Variants in ARAP2 observed in about 807,000 individuals in gnomAD.
The protein encoded by ARAP2 is arf-GAP with Rho-GAP domain, ANK repeat and PH domain-containing protein 2.
ARAP2 carries 148 observed loss-of-function variants against 194.5 expected under a neutral mutation model. The ratio of observed to expected loss-of-function variants is 0.76; its 90% CI spans 0.67 to 0.87. The LOEUF is 0.87. ARAP2 is among the 40% of genes least tolerant of loss of function. ARAP2 has a pLI of 0.00. For synonymous variants in ARAP2, 695 were observed against 683.5 expected (o/e 1.02, Z -0.26); for missense variants, 2,128 against 1,989.7 (o/e 1.07, Z -1.32).
At chr4:36,196,572 T>C (rs1277120698) in intron 6 of ARAP2, among the ~76,000 whole-genome samples, 2 of 152,156 alleles carry the variant, frequency 1.3e-5, no homozygotes, top group South Asian at 4.1e-4. Context: ...GATTATTAAA[T>C]CTCTTTAACA....
At position 36,161,520 on chromosome 4, in the gene ARAP2, G is replaced by A. The variant is rs189257544; in HGVS notation, c.2204C>T (p.Ser735Phe). ...GQHRSLGPKD[S>F]KVRSLKMDAS... ...ATCCATTTTTAGACTTCTAACCTTG[G>A]AATCTTTTGGTCCTAAAGATCTATG... The change falls in exon 12 of 33, where the codon TCC (serine) becomes TTC (phenylalanine). Residue 735 changes from serine to phenylalanine, a missense_variant. Transcript: ENST00000303965. 46 of 1,613,924 alleles carry A rather than the reference G, an allele frequency of 2.9e-5. No homozygotes were observed. In the East Asian group the frequency reaches 1.0e-3, roughly 35 times the overall value.
chr4:36,118,850 C>T (rs949116430), intron 24 of ARAP2, among the ~76,000 whole-genome samples: 1 of 151,428 alleles, frequency 6.6e-6, no homozygotes, highest in African/African-American at 2.4e-5. Flanking sequence ...AGGCCTTCCT[C>T]TATTTTCTTT....
chr4:36,083,599 TGGATTTACAATGAAGACTCTTA>T (rs1426816092), intron 28 of ARAP2, 149 bp from the exon 29 acceptor site: 24 of 604,280 alleles, frequency 4.0e-5, no homozygotes, highest in Non-Finnish European at 6.2e-5. Context: ...GAAGACTCTT[TGGATTTACAATGAAGACTCTTA>T]GGATTTACAA....
chr4:36,188,645 C>T (rs1002505867), intron 7 of ARAP2, among the ~76,000 whole-genome samples: 17 of 152,250 alleles, frequency 1.1e-4, no homozygotes, highest in Non-Finnish European at 2.5e-4. Flanking sequence ...TATAGAAGGT[C>T]TGCAATATTA....
At chr4:36,045,728 T>C (rs1462201274) in intron 5 of ARAP2, among the ~76,000 whole-genome samples, 1 of 152,198 alleles carries the variant, frequency 6.6e-6, no homozygotes, top group East Asian at 1.9e-4. Context: ...TGTATAAATA[T>C]GTGAGGTGAT....
intron 5 of ARAP2, among the ~76,000 whole-genome samples, chr4:36,043,794 A>AGAAGGGAAGG (rs1229545018): frequency 0.029 from 773 of 26,900 alleles, 112 homozygotes; most frequent in South Asian, 0.032. Flanking sequence ...AGAAGAGAAG[A>AGAAGGGAAGG]GAAGGGAAGG....
intron 31 of ARAP2, among the ~76,000 whole-genome samples, chr4:36,077,087 T>C (rs1728417367): frequency 6.6e-6 from 1 of 152,082 alleles, no homozygotes; most frequent in African/African-American, 2.4e-5. Context: ...ATCTAGGAGC[T>C]TGCAGGGGTG....
At position 36,189,591 on chromosome 4, in the gene ARAP2, C is replaced by G. The variant is rs1416310585; in HGVS notation, c.1558-2020G>C. Among the ~76,000 whole-genome samples, 4 of 152,140 alleles carry G rather than the reference C, an allele frequency of 2.6e-5. No homozygotes were observed. In the East Asian group the frequency reaches 7.7e-4, roughly 29 times the overall value. ...CCTACCCTTCACAGCCTCTACTATC[C>G]TCTGTACTACTTTTTACTTTGGTAA... is the stretch of plus-strand genomic sequence containing the variant. On this transcript the variant is annotated intron_variant, in intron 7 of 32. Transcript: ENST00000303965.
intron 22 of ARAP2, among the ~76,000 whole-genome samples, chr4:36,122,697 C>A (rs1434057331): frequency 1.3e-5 from 2 of 151,566 alleles, no homozygotes; most frequent in Admixed American, 1.3e-4. Flanking sequence ...GTACAACAAA[C>A]CCCTGTGATA....
In ARAP2 at chr4:36,148,495, G is replaced by T. The variant is rs1192506116; in HGVS notation, c.2910C>A (p.Ile970=). The change falls in exon 17 of 33, where the codon ATC becomes ATA. Residue 970 remains isoleucine (I), a synonymous_variant. Transcript: ENST00000303965. The part of the protein sequence containing the change: ...DFYLNTGPIF[I]FEIYLPSERV... ...GTTCGGAGGGTAAGTAGATCTCAAA[G>T]ATAAAGATGGGCCTAAAACATGCAC... is the stretch of plus-strand genomic sequence containing the variant. The T allele has an allele frequency of 6.2e-7, 1 of 1,612,284 alleles. No individual in the cohort carries two copies. The highest frequency in any genetic ancestry group is 8.5e-7 in the Non-Finnish European group (1 of 1,178,862).
At position 36,143,953 on chromosome 4, in the gene ARAP2, TCTC is replaced by T. The variant is rs1335704984; in HGVS notation, c.3263+3340_3263+3342del. 2.0e-5 allele frequency among the ~76,000 whole-genome samples: 3 copies of T among 151,952 alleles called. No homozygotes were observed. The Admixed American group carries it at 2.0e-4, about 10-fold the overall frequency. On this transcript the variant is annotated intron_variant, in intron 19 of 32. Coordinates refer to ENST00000303965, the MANE Select transcript of ARAP2 (RefSeq NM_015230.4). ...AAAATAATATTACAAATGAATTTCA[TCTC>T]CTGATTTCTGCAGTCCAGCGGTAAG...
Position 36,066,782 on chromosome 4 carries a change from C to T in ARAP2, c.*1125G>A, listed in dbSNP as rs1260883960. 6.6e-6 allele frequency: 1 copy of T among 151,892 alleles called. No individual in the cohort carries two copies. Among genetic ancestry groups the T allele is most frequent in the Non-Finnish European group, 1.5e-5 (1 of 68,002 alleles). The allele number at this position is 151,892 out of a possible 1,614,324, so 9.4% of individuals were successfully genotyped here. ...TCATAAGTACAGGGAAGAGACCACACCTTTACTTAAAAAAAGAAAAAAAAA... is the reference window on the plus strand; with the variant it reads ...TCATAAGTACAGGGAAGAGACCACATCTTTACTTAAAAAAAGAAAAAAAAA... On this transcript the variant is annotated 3_prime_UTR_variant, in exon 33 of 33. Transcript: ENST00000303965.
At chr4:36,134,785 T>C (rs1726275254) in intron 19 of ARAP2, among the ~76,000 whole-genome samples, 1 of 151,164 alleles carries the variant, frequency 6.6e-6, no homozygotes, top group Admixed American at 6.6e-5. Flanking sequence ...GTAATACATA[T>C]TGCCTGCTCT....
At chr4:36,051,964 G>A (rs949383440) in intron 3 of ARAP2, 1 of 152,146 alleles carries the variant, frequency 6.6e-6, no homozygotes. Flanking sequence ...AATGCACATA[G>A]TATTTTTTAT....
rs181757340 is a variant in ARAP2 at position 36,112,221 on chromosome 4, T to C, written c.4156+1949A>G. ...TCCACATCAACTGCACTATGAGAAG[T>C]AGTCAAAAATATAAAGCCTGAAATA... On this transcript the variant is annotated intron_variant, in intron 26 of 32. Transcript: ENST00000303965. Among the ~76,000 whole-genome samples, 8 of 151,986 alleles carry C rather than the reference T, an allele frequency of 5.3e-5. No homozygotes were observed. In the East Asian group the frequency reaches 1.2e-3, roughly 22 times the overall value.
At chr4:36,192,832 A>C (rs1030039915) in intron 7 of ARAP2, among the ~76,000 whole-genome samples, 1 of 152,088 alleles carries the variant, frequency 6.6e-6, no homozygotes, top group Non-Finnish European at 1.5e-5. Flanking sequence ...CCTTGTCTCT[A>C]CTAAAATTAC....
rs958753089 is a variant in ARAP2, at chr4:36,211,111, C to T, written c.1134-368G>A. 7.9e-5 allele frequency among the ~76,000 whole-genome samples: 12 copies of T among 152,084 alleles called. 1 individual carries two copies. Among genetic ancestry groups the T allele is most frequent in the Non-Finnish European group, 1.3e-4 (9 of 68,008 alleles). ...AGCCCAATCCCTCTGGGCAACATGA[C>T]GGACCATTAACTCATCTATATGGAG... On this transcript the variant is annotated intron_variant, in intron 5 of 32. Coordinates refer to ENST00000303965, the MANE Select transcript of ARAP2 (RefSeq NM_015230.4).
intron 2 of ARAP2, among the ~76,000 whole-genome samples, chr4:36,223,418 T>C (rs777514287): frequency 5.9e-5 from 9 of 152,144 alleles, no homozygotes; most frequent in Non-Finnish European, 1.2e-4. Flanking sequence ...TCAATTGTGA[T>C]GGGCTGACCT....
chr4:36,154,322 A>C (rs896646613), intron 15 of ARAP2, among the ~76,000 whole-genome samples: 9 of 152,332 alleles, frequency 5.9e-5, no homozygotes, highest in Middle Eastern at 3.4e-3. Context: ...TTAGCCTTGG[A>C]AAAACATGTT....
Sources: gnomAD v4.1 joint callset for allele counts (sites outside exome capture counted in the v4.1 genomes callset) on GRCh38, gnomAD v4.1.1 for gene constraint, MANE v1.5 for transcripts, NCBI Gene and HGNC (gene_info 2026-07-23, HGNC 2026-07-21) for gene names.